MAPK4: variants seen among roughly 807,000 people sequenced by gnomAD.
The protein encoded by MAPK4 is Erk3-related.
A neutral mutation model predicts 47.7 loss-of-function variants in MAPK4; 22 were observed. That is an observed-to-expected ratio of 0.46 (90% CI 0.33 to 0.66). MAPK4 has a LOEUF of 0.66. MAPK4 is among the 30% of genes least tolerant of loss of function. The probability of loss-of-function intolerance (pLI) is 0.02; values close to 1 mark genes in which losing one functional copy is unlikely to be tolerated. For missense variants in MAPK4, 736 were observed against 831.7 expected (o/e 0.88, Z 1.42); for synonymous variants, 390 against 365.7 (o/e 1.07, Z -0.76).
intron 3 of MAPK4, among the ~76,000 whole-genome samples, chr18:50,719,685 A>G (rs938907061): frequency 6.6e-5 from 10 of 152,180 alleles, no homozygotes; most frequent in African/African-American, 2.4e-4. Context: ...CCCTTCCAAC[A>G]GGCTGACAAC....
At chr18:50,581,201 A>G (rs1387189399) in intron 1 of MAPK4, among the ~76,000 whole-genome samples, 1 of 152,164 alleles carries the variant, frequency 6.6e-6, no homozygotes, top group Non-Finnish European at 1.5e-5. Context: ...GCAAAGGTTT[A>G]TTTGCTTACA....
At chr18:50,597,380 C>T (rs1598809457) in intron 1 of MAPK4, among the ~76,000 whole-genome samples, 1 of 152,200 alleles carries the variant, frequency 6.6e-6, no homozygotes, top group African/African-American at 2.4e-5. Context: ...GAATGATGCT[C>T]ACCTGTCTCT....
At chr18:50,608,074 G>C (rs560579956) in intron 1 of MAPK4, among the ~76,000 whole-genome samples, 2 of 152,180 alleles carry the variant, frequency 1.3e-5, no homozygotes, top group South Asian at 4.2e-4. Flanking sequence ...AATCAAAAAT[G>C]AGCATTACAT....
intron 1 of MAPK4, among the ~76,000 whole-genome samples, chr18:50,569,587 T>C (rs1339113640): frequency 6.6e-6 from 1 of 152,214 alleles, no homozygotes; most frequent in Non-Finnish European, 1.5e-5. Flanking sequence ...CGTGGGTTCT[T>C]AGTTTCCATT....
intron 1 of MAPK4, among the ~76,000 whole-genome samples, chr18:50,645,562 A>G (rs965777380): frequency 6.6e-6 from 1 of 152,178 alleles, no homozygotes; most frequent in African/African-American, 2.4e-5. Flanking sequence ...TTTTTTTTCT[A>G]CAATGAGCCT....
At chr18:50,707,288 T>G (rs1327735494) in intron 2 of MAPK4, among the ~76,000 whole-genome samples, 1 of 152,096 alleles carries the variant, frequency 6.6e-6, no homozygotes, top group East Asian at 1.9e-4. Flanking sequence ...AGTTCTTGGC[T>G]GGGTACAGTG....
intron 1 of MAPK4, among the ~76,000 whole-genome samples, chr18:50,648,439 C>G (rs2043012524): frequency 6.6e-6 from 1 of 151,864 alleles, no homozygotes; most frequent in African/African-American, 2.4e-5. Flanking sequence ...CAGTGGAGAG[C>G]TATTCAAAAA....
intron 2 of MAPK4, among the ~76,000 whole-genome samples, chr18:50,696,295 C>T (rs2144365890): frequency 6.6e-6 from 1 of 152,298 alleles, no homozygotes; most frequent in African/African-American, 2.4e-5. Flanking sequence ...GACTCCCTTA[C>T]ACTTATTTTA....
chr18:50,645,686 G>A (rs1407569503), intron 1 of MAPK4, among the ~76,000 whole-genome samples: 1 of 152,130 alleles, frequency 6.6e-6, no homozygotes, highest in East Asian at 1.9e-4. Flanking sequence ...CTCATTACAC[G>A]GGCCTTATGG....
At chr18:50,674,847 T>C (rs761698180) in intron 2 of MAPK4, among the ~76,000 whole-genome samples, 25 of 152,230 alleles carry the variant, frequency 1.6e-4, no homozygotes, top group Non-Finnish European at 2.9e-4. Flanking sequence ...ATCCATTGTA[T>C]GAGTTCATTC....
intron 1 of MAPK4, among the ~76,000 whole-genome samples, chr18:50,583,197 G>A (rs1314423962): frequency 1.3e-5 from 2 of 152,190 alleles, no homozygotes; most frequent in Non-Finnish European, 2.9e-5. Flanking sequence ...CTGAGTTTGG[G>A]GGTTTTATGG....
chr18:50,693,491 A>G (rs75690244), intron 2 of MAPK4, among the ~76,000 whole-genome samples: 3,175 of 152,340 alleles, frequency 0.021, 106 homozygotes, highest in African/African-American at 0.072. Flanking sequence ...GAATTCACCA[A>G]GAGTCACAGC....
chr18:50,629,231 G>A (rs558864654), intron 1 of MAPK4, among the ~76,000 whole-genome samples: 2 of 152,334 alleles, frequency 1.3e-5, no homozygotes, highest in East Asian at 1.9e-4. Context: ...AGAGAATCAT[G>A]TAACAAGCTT....
chr18:50,680,496 T>C (rs1320485880), intron 2 of MAPK4, among the ~76,000 whole-genome samples: 2 of 152,248 alleles, frequency 1.3e-5, no homozygotes, highest in Non-Finnish European at 2.9e-5. Context: ...CAGAAATGTA[T>C]GTCCATCAGC....
chr18:50,606,103 C>T (rs970761777), intron 1 of MAPK4, among the ~76,000 whole-genome samples: 4 of 152,076 alleles, frequency 2.6e-5, no homozygotes, highest in East Asian at 1.9e-4. Context: ...CATGATAAAA[C>T]AAGAGCACTG....
intron 1 of MAPK4, among the ~76,000 whole-genome samples, chr18:50,637,781 G>C (rs368090210): frequency 5.0e-4 from 76 of 152,276 alleles, no homozygotes; most frequent in African/African-American, 1.8e-3. Flanking sequence ...CTTGCACGTG[G>C]CCACCTTCTC....
At chr18:50,619,223 G>A (rs1202009594) in intron 1 of MAPK4, among the ~76,000 whole-genome samples, 1 of 152,170 alleles carries the variant, frequency 6.6e-6, no homozygotes, top group Non-Finnish European at 1.5e-5. Context: ...TTTTCATCAG[G>A]AAAAATTAAG....
intron 2 of MAPK4, among the ~76,000 whole-genome samples, chr18:50,691,526 A>C (rs1348551278): frequency 6.6e-6 from 1 of 152,204 alleles, no homozygotes. Context: ...CGTGCCATTC[A>C]ACTTAACAAA....
intron 1 of MAPK4, among the ~76,000 whole-genome samples, chr18:50,600,469 A>C (rs762644030): frequency 1.2e-4 from 19 of 152,162 alleles, no homozygotes; most frequent in Non-Finnish European, 2.2e-4. Context: ...GGCTTCTGAG[A>C]AATTTTTCTT....
Sources: allele counts gnomAD v4.1 joint callset (sites outside exome capture counted in the v4.1 genomes callset), GRCh38; gene constraint gnomAD v4.1.1; transcripts MANE v1.5; gene names NCBI Gene and HGNC (gene_info 2026-07-23, HGNC 2026-07-21).